Variants in RAD51B observed in about 807,000 individuals in gnomAD.
The protein encoded by RAD51B is DNA repair protein RAD51 homolog 2.
RAD51B carries 38 observed loss-of-function variants against 42.2 expected under a neutral mutation model. That is an observed-to-expected ratio of 0.90 (90% CI 0.70 to 1.18). The LOEUF is 1.18. Ranked by LOEUF, RAD51B falls within the 50% of genes most tolerant of loss-of-function variation. The pLI is 0.00. For synonymous variants in RAD51B, 154 were observed against 145.2 expected, an observed-to-expected ratio of 1.06 and a Z score of -0.43; for missense variants, 373 against 400.7, an observed-to-expected ratio of 0.93 and a Z score of 0.59.
At chr14:67,925,880 C>G (rs2044489771) in intron 7 of RAD51B, among the ~76,000 whole-genome samples, 6 of 152,206 alleles carry the variant, frequency 3.9e-5, no homozygotes, top group African/African-American at 1.4e-4. Context: ...TTGGCTTGAT[C>G]TCTCATTGGC....
intron 10 of RAD51B, among the ~76,000 whole-genome samples, chr14:68,511,411 A>G (rs1402173385): frequency 3.3e-5 from 5 of 152,148 alleles, no homozygotes; most frequent in Non-Finnish European, 7.4e-5. Context: ...AAACCTCTGA[A>G]ATCTGGTCAA....
At chr14:68,134,679 T>G (rs1301482976) in intron 7 of RAD51B, among the ~76,000 whole-genome samples, 1 of 152,222 alleles carries the variant, frequency 6.6e-6, no homozygotes, top group Non-Finnish European at 1.5e-5. Flanking sequence ...CTAATTGATG[T>G]TAAACATATT....
chr14:67,960,649 C>G (rs1027244721), intron 7 of RAD51B, among the ~76,000 whole-genome samples: 1 of 152,136 alleles, frequency 6.6e-6, no homozygotes, highest in Non-Finnish European at 1.5e-5. Context: ...TTGCCACACT[C>G]AGAGGAACTG....
At chr14:68,316,562 A>C (rs2082066869) in intron 8 of RAD51B, among the ~76,000 whole-genome samples, 1 of 152,142 alleles carries the variant, frequency 6.6e-6, no homozygotes. Flanking sequence ...CATGTTTCTA[A>C]TTAGGATGCA....
intron 10 of RAD51B, among the ~76,000 whole-genome samples, chr14:68,472,977 G>A (rs369995619): frequency 6.6e-6 from 1 of 152,122 alleles, no homozygotes; most frequent in Non-Finnish European, 1.5e-5. Context: ...ACAAACTTGC[G>A]TTAAGTTTTC....
chr14:68,268,189 T>G (rs2081030494), intron 7 of RAD51B, among the ~76,000 whole-genome samples: 1 of 152,206 alleles, frequency 6.6e-6, no homozygotes, highest in Non-Finnish European at 1.5e-5. Flanking sequence ...TTCAGACACC[T>G]AACATATCCA....
intron 1 of RAD51B, among the ~76,000 whole-genome samples, chr14:67,821,469 T>A (rs1359960704): frequency 6.7e-6 from 1 of 149,970 alleles, no homozygotes; most frequent in Non-Finnish European, 1.5e-5. Flanking sequence ...TTGTTTGTTT[T>A]TTGTTTTTGA....
At chr14:67,979,433 G>A (rs2075051456) in intron 7 of RAD51B, among the ~76,000 whole-genome samples, 1 of 152,026 alleles carries the variant, frequency 6.6e-6, no homozygotes, top group African/African-American at 2.4e-5. Context: ...AACCCCTAAT[G>A]CGTGGCTTAT....
In RAD51B at chr14:68,082,485, A is replaced by ATG. The variant is rs1014141637; in HGVS notation, c.756+195282_756+195283insGT. Among the ~76,000 whole-genome samples, 15 of 148,990 alleles carry ATG rather than the reference A, an allele frequency of 1.0e-4. No homozygotes were observed. The East Asian group carries it at 2.9e-3, about 29-fold the overall frequency. On this transcript the variant is annotated intron_variant, in intron 7 of 10. Coordinates refer to ENST00000471583, the MANE Select transcript of RAD51B (RefSeq NM_133510.4). ...GCATAGGAGAAAGATATATATATAT[A>ATG]TATGTATTTATGTATGTATGTATGT... is the stretch of plus-strand genomic sequence containing the variant.
At chr14:68,304,813 T>C (rs1595685388) in intron 8 of RAD51B, among the ~76,000 whole-genome samples, 1 of 152,352 alleles carries the variant, frequency 6.6e-6, no homozygotes, top group Middle Eastern at 3.4e-3. Flanking sequence ...TCACATTCTG[T>C]CTTCGGTGAG....
intron 7 of RAD51B, among the ~76,000 whole-genome samples, chr14:68,221,711 C>T (rs1273841449): frequency 6.6e-6 from 1 of 152,176 alleles, no homozygotes; most frequent in Admixed American, 6.5e-5. Flanking sequence ...TAAAAAGCTT[C>T]TTCACAGCAA....
chr14:68,117,463 G>A (rs1278859131), intron 7 of RAD51B, among the ~76,000 whole-genome samples: 1 of 152,110 alleles, frequency 6.6e-6, no homozygotes, highest in Admixed American at 6.6e-5. Context: ...CACTTTGGTG[G>A]CCACACACTG....
intron 7 of RAD51B, among the ~76,000 whole-genome samples, chr14:68,013,897 A>G (rs980932841): frequency 6.6e-6 from 1 of 152,166 alleles, no homozygotes; most frequent in Non-Finnish European, 1.5e-5. Context: ...GAATTTTTTC[A>G]TGAAGCAGTG....
At position 68,260,319 on chromosome 14, in the gene RAD51B, G is replaced by GTGTGTGTGTGTGTGTGTGTGTGT. The variant is rs1555383057; in HGVS notation, c.757-31565_757-31564insTGTGTGTGTGTGTGTGTGTGTGT. Among the ~76,000 whole-genome samples, 104 of 136,172 alleles carry GTGTGTGTGTGTGTGTGTGTGTGT rather than the reference G, an allele frequency of 7.6e-4. 1 individual carries two copies. The highest frequency in any genetic ancestry group is 1.2e-3 in the East Asian group (6 of 5,046). 89.3% of individuals were successfully genotyped at this position (136,172 alleles called of 152,430 possible). ...AGACCGTGTGTGTGTGTGTGTGTGT[G>GTGTGTGTGTGTGTGTGTGTGTGT]GAGAGGGGAAGACAGCGGGGGTAGA... On this transcript the variant is annotated intron_variant, in intron 7 of 10. Transcript: ENST00000471583.
chr14:68,008,445 A>G (rs891565622), intron 7 of RAD51B, among the ~76,000 whole-genome samples: 2 of 151,938 alleles, frequency 1.3e-5, no homozygotes, highest in African/African-American at 4.8e-5. Context: ...TAAGAGTGAA[A>G]ATAAACATTC....
intron 10 of RAD51B, among the ~76,000 whole-genome samples, chr14:68,580,163 C>T (rs371906442): frequency 2.6e-4 from 40 of 152,324 alleles, no homozygotes; most frequent in African/African-American, 8.4e-4. Context: ...CCCGGGCTCC[C>T]GGTTCCCCCT....
chr14:68,647,262 CT>C (rs1199493168), intron 10 of RAD51B, among the ~76,000 whole-genome samples: 2 of 152,112 alleles, frequency 1.3e-5, no homozygotes, highest in African/African-American at 4.8e-5. Context: ...TACTGCATGT[CT>C]TATTGCATTG....
At chr14:68,223,622 C>T (rs1218061365) in intron 7 of RAD51B, among the ~76,000 whole-genome samples, 6 of 152,170 alleles carry the variant, frequency 3.9e-5, no homozygotes, top group African/African-American at 7.2e-5. Flanking sequence ...TCCCATTCTG[C>T]CAAACCCTTC....
intron 7 of RAD51B, among the ~76,000 whole-genome samples, chr14:68,259,660 A>G (rs908750631): frequency 2.6e-5 from 4 of 152,140 alleles, no homozygotes; most frequent in African/African-American, 4.8e-5. Context: ...ATAATTTTGT[A>G]TGATCCCAAA....
Sources: allele counts gnomAD v4.1 joint callset (sites outside exome capture counted in the v4.1 genomes callset), GRCh38; gene constraint gnomAD v4.1.1; transcripts MANE v1.5; gene names NCBI Gene and HGNC (gene_info 2026-07-23, HGNC 2026-07-21).